The following FOXN3 variants were observed in gnomAD, a reference collection of about 807,000 sequenced individuals.
The protein encoded by FOXN3 is forkhead box N3, also known as forkhead box protein N3.
A neutral mutation model predicts 38.4 loss-of-function variants in FOXN3; 7 were observed. The ratio of observed to expected loss-of-function variants is 0.18; its 90% CI spans 0.10 to 0.34. FOXN3 has a LOEUF of 0.34. FOXN3 is among the 10% of genes least tolerant of loss of function. The probability of loss-of-function intolerance (pLI) is 1.00; values close to 1 mark genes in which losing one functional copy is unlikely to be tolerated. For synonymous variants in FOXN3, 230 were observed against 242.2 expected (o/e 0.95, Z 0.47); for missense variants, 456 against 613.4 (o/e 0.74, Z 2.71).
chr14:89,236,667 T>G (rs930102319), intron 4 of FOXN3, among the ~76,000 whole-genome samples: 1 of 152,348 alleles, frequency 6.6e-6, no homozygotes, highest in South Asian at 2.1e-4. Context: ...AATTTGCACA[T>G]GCTGATTAGA....
At chr14:89,301,010 C>T (rs897395174) in intron 3 of FOXN3, among the ~76,000 whole-genome samples, 3 of 151,904 alleles carry the variant, frequency 2.0e-5, no homozygotes, top group African/African-American at 4.8e-5. Context: ...ACCATGTTGG[C>T]CAGGCTGGTT....
At chr14:89,309,223 C>T (rs912126903) in intron 3 of FOXN3, among the ~76,000 whole-genome samples, 2 of 152,162 alleles carry the variant, frequency 1.3e-5, no homozygotes, top group South Asian at 2.1e-4. Context: ...CTGGACTTGG[C>T]GCACCCTGCA....
intron 1 of FOXN3, among the ~76,000 whole-genome samples, chr14:89,512,033 G>T (rs1437332609): frequency 2.6e-5 from 4 of 152,120 alleles, no homozygotes; most frequent in African/African-American, 9.7e-5. Flanking sequence ...GATTTGGGTG[G>T]GGACGTGGCC....
At chr14:89,601,475 C>G (rs557356646) in intron 1 of FOXN3, among the ~76,000 whole-genome samples, 10 of 152,250 alleles carry the variant, frequency 6.6e-5, no homozygotes, top group African/African-American at 2.4e-4. Context: ...AACTTAGGTC[C>G]ATATGCCATT....
At chr14:89,304,944 T>TAA (rs200830937) in intron 3 of FOXN3, among the ~76,000 whole-genome samples, 9,339 of 133,430 alleles carry the variant, frequency 0.07, 369 homozygotes, top group Non-Finnish European at 0.082. Context: ...TGTAGTTTCT[T>TAA]AAAAAAAAAA....
rs1320447123 is a variant in FOXN3 at position 89,610,443 on chromosome 14, GGA to G, written c.-15+8583_-15+8584del. Among the ~76,000 whole-genome samples, 44 of 152,300 alleles carry G rather than the reference GGA, an allele frequency of 2.9e-4. No homozygotes were observed. In the East Asian group the frequency reaches 7.9e-3, roughly 27 times the overall value. ...TCCACCGCCCACAATGGATCTGACG[GGA>G]TAACTCACGACTGGCTGCCTTCCCT... On this transcript the variant is annotated intron_variant, in intron 1 of 6. Transcript: ENST00000345097.
intron 4 of FOXN3, among the ~76,000 whole-genome samples, chr14:89,225,798 CGTGT>C (rs1884618723): frequency 6.6e-6 from 1 of 152,006 alleles, no homozygotes; most frequent in Non-Finnish European, 1.5e-5. Flanking sequence ...CTGTTAGGAT[CGTGT>C]GTAACATAAA....
intron 3 of FOXN3, among the ~76,000 whole-genome samples, chr14:89,316,081 C>T (rs2139965881): frequency 6.6e-6 from 1 of 152,342 alleles, no homozygotes; most frequent in African/African-American, 2.4e-5. Flanking sequence ...CTGGCTTGGC[C>T]TCTTGACTTG....
chr14:89,422,851 G>C (rs549490612), intron 1 of FOXN3, among the ~76,000 whole-genome samples: 2 of 152,334 alleles, frequency 1.3e-5, no homozygotes, highest in East Asian at 3.9e-4. Flanking sequence ...TGTAGTAAGG[G>C]AAAGTACAGC....
intron 2 of FOXN3, among the ~76,000 whole-genome samples, chr14:89,408,982 G>A (rs1213359240): frequency 3.3e-5 from 5 of 152,152 alleles, no homozygotes; most frequent in Non-Finnish European, 5.9e-5. Flanking sequence ...GACTGGGCCA[G>A]GTCAATGCCC....
intron 3 of FOXN3, among the ~76,000 whole-genome samples, chr14:89,306,088 C>T (rs1441781635): frequency 6.6e-6 from 1 of 152,214 alleles, no homozygotes; most frequent in Non-Finnish European, 1.5e-5. Flanking sequence ...GCTTTCCTCT[C>T]AAGTTTCTGC....
rs755082028 is a variant in FOXN3, at chr14:89,163,660, G to A, written c.852-691C>T. ...CACAGACCAGAGGGCAATAAACTAC[G>A]ACTTCCCGAACTCAACACCTGCCAG... On this transcript the variant is annotated intron_variant, in intron 5 of 5. Coordinates refer to ENST00000557258, the MANE Select transcript of FOXN3 (RefSeq NM_005197.4). The surrounding 1 kb of genome is among the most constrained non-coding windows in gnomAD (Gnocchi z 4.3). 7.2e-5 allele frequency among the ~76,000 whole-genome samples: 11 copies of A among 152,132 alleles called. No homozygotes were observed. Among genetic ancestry groups the A allele is most frequent in the African/African-American group, 1.7e-4 (7 of 41,416 alleles).
intron 3 of FOXN3, among the ~76,000 whole-genome samples, chr14:89,313,556 TAA>T (rs977913007): frequency 1.4e-5 from 2 of 146,398 alleles, no homozygotes; most frequent in Admixed American, 6.8e-5. Context: ...GATGCTGTCT[TAA>T]AAAAAAAAAA....
At chr14:89,515,684 C>T (rs1448640072) in intron 1 of FOXN3, among the ~76,000 whole-genome samples, 5 of 152,086 alleles carry the variant, frequency 3.3e-5, no homozygotes, top group South Asian at 2.1e-4. Context: ...TGCAGTGAGC[C>T]GGGACCGTGC....
intron 1 of FOXN3, among the ~76,000 whole-genome samples, chr14:89,433,098 T>TAAA (rs948362693): frequency 6.6e-6 from 1 of 152,224 alleles, no homozygotes; most frequent in Non-Finnish European, 1.5e-5. Context: ...CTCACACCTG[T>TAAA]AATCCTTTGG....
intron 3 of FOXN3, among the ~76,000 whole-genome samples, chr14:89,294,558 A>C (rs1167047610): frequency 6.6e-6 from 1 of 152,192 alleles, no homozygotes; most frequent in East Asian, 1.9e-4. Flanking sequence ...AAGTCACAGG[A>C]TGAGACAGGA....
intron 1 of FOXN3, among the ~76,000 whole-genome samples, chr14:89,424,625 C>T (rs745436559): frequency 1.3e-5 from 2 of 151,038 alleles, no homozygotes; most frequent in Non-Finnish European, 2.9e-5. Context: ...CACCTATAAT[C>T]TTAACATTTT....
intron 1 of FOXN3, among the ~76,000 whole-genome samples, chr14:89,539,572 G>C (rs1170037707): frequency 6.6e-6 from 1 of 152,210 alleles, no homozygotes; most frequent in African/African-American, 2.4e-5. Context: ...CTTGGGTCCT[G>C]CTCACCACTT....
At chr14:89,616,416 C>G (rs1168593917) in intron 1 of FOXN3, among the ~76,000 whole-genome samples, 1 of 152,056 alleles carries the variant, frequency 6.6e-6, no homozygotes, top group Admixed American at 6.6e-5. Context: ...TGAAACAGTT[C>G]TTATTTTCAT....
Sources: allele counts gnomAD v4.1 joint callset (sites outside exome capture counted in the v4.1 genomes callset), GRCh38; gene constraint gnomAD v4.1.1; non-coding constraint Gnocchi (gnomAD v3.1); transcripts MANE v1.5; gene names NCBI Gene and HGNC (gene_info 2026-07-23, HGNC 2026-07-21).